The following NUP210L variants were observed in gnomAD, a reference collection of about 807,000 sequenced individuals.
NUP210L encodes the protein nuclear pore membrane glycoprotein 210-like.
NUP210L carries 74 observed loss-of-function variants against 208.5 expected under a neutral mutation model. The ratio of observed to expected loss-of-function variants is 0.35; its 90% CI spans 0.29 to 0.43. The LOEUF (loss-of-function observed/expected upper bound fraction) is 0.43. Ranked by LOEUF, NUP210L falls within the 20% of genes least tolerant of loss-of-function variation. NUP210L has a pLI of 1.00. For missense variants in NUP210L, 1,843 were observed against 2,289.4 expected, an observed-to-expected ratio of 0.81 and a Z score of 3.98; for synonymous variants, 780 against 816.9, an observed-to-expected ratio of 0.95 and a Z score of 0.77.
chr1:154,122,234 A>G (rs1281291335), intron 10 of NUP210L, among the ~76,000 whole-genome samples: 1 of 145,392 alleles, frequency 6.9e-6, no homozygotes, highest in African/African-American at 2.5e-5. Flanking sequence ...ATAACATGTG[A>G]ATGGCTGTAT....
At chr1:154,015,722 AACACACAC>A (rs372823301) in intron 33 of NUP210L, among the ~76,000 whole-genome samples, 2 of 144,360 alleles carry the variant, frequency 1.4e-5, no homozygotes, top group Non-Finnish European at 3.0e-5. Flanking sequence ...TCTGTCTCAA[AACACACAC>A]ACACACACAC....
intron 33 of NUP210L, among the ~76,000 whole-genome samples, chr1:154,017,873 T>A (rs1651349383): frequency 6.6e-6 from 1 of 152,174 alleles, no homozygotes; most frequent in African/African-American, 2.4e-5. Flanking sequence ...CCTTTTTCCC[T>A]TTTGTTTCTT....
chr1:154,026,960 G>T (rs979097891), intron 29 of NUP210L, among the ~76,000 whole-genome samples: 1 of 151,668 alleles, frequency 6.6e-6, no homozygotes, highest in African/African-American at 2.4e-5. Flanking sequence ...GCAGGCACCT[G>T]TAATCCCAGC....
At chr1:154,112,271 T>C (rs1657080988) in intron 12 of NUP210L, among the ~76,000 whole-genome samples, 2 of 151,784 alleles carry the variant, frequency 1.3e-5, no homozygotes, top group Admixed American at 1.3e-4. Flanking sequence ...CCAGACAGAG[T>C]TGCTCACTCC....
chr1:154,104,934 T>C (rs150703514), intron 12 of NUP210L, among the ~76,000 whole-genome samples: 2 of 152,182 alleles, frequency 1.3e-5, no homozygotes, highest in Admixed American at 6.5e-5. Flanking sequence ...ACACCCCAGG[T>C]GCACAGCTCA....
intron 37 of NUP210L, among the ~76,000 whole-genome samples, chr1:153,999,757 AG>A (rs1220905988): frequency 2.8e-5 from 4 of 140,810 alleles, no homozygotes; most frequent in African/African-American, 7.9e-5. Context: ...AAAAAAAAAA[AG>A]GTTTAAAATA....
At chr1:154,134,533 C>G (rs1432297040) in intron 7 of NUP210L, among the ~76,000 whole-genome samples, 2 of 148,344 alleles carry the variant, frequency 1.3e-5, no homozygotes, top group African/African-American at 4.9e-5. Flanking sequence ...GTCAGGAGAT[C>G]GAGACCATCC....
intron 17 of NUP210L, among the ~76,000 whole-genome samples, chr1:154,065,123 A>AATAAAATAAC (rs1654336039): frequency 6.7e-6 from 1 of 148,804 alleles, no homozygotes; most frequent in Non-Finnish European, 1.5e-5. Flanking sequence ...AATAAAATAA[A>AATAAAATAAC]ATAAAATAAA....
At chr1:154,138,301 T>C in intron 5 of NUP210L, 63 bp from the exon 6 acceptor site, 2 of 1,426,524 alleles carry the variant, frequency 1.4e-6, no homozygotes, top group Non-Finnish European at 1.9e-6. Flanking sequence ...CACAGTCATC[T>C]TTCTTGTTAA....
At chr1:154,144,467 G>A (rs1371565495) in intron 2 of NUP210L, among the ~76,000 whole-genome samples, 3 of 152,084 alleles carry the variant, frequency 2.0e-5, no homozygotes, top group Non-Finnish European at 2.9e-5. Flanking sequence ...GGGAACCACC[G>A]TATTAGATCT....
At chr1:154,114,059 C>T (rs2148088471) in intron 12 of NUP210L, among the ~76,000 whole-genome samples, 1 of 151,290 alleles carries the variant, frequency 6.6e-6, no homozygotes, top group Admixed American at 6.6e-5. Flanking sequence ...AGGAGAATTG[C>T]TTGAACTCGA....
chr1:154,075,888 C>G (rs1392418221), intron 16 of NUP210L, among the ~76,000 whole-genome samples: 2 of 151,754 alleles, frequency 1.3e-5, no homozygotes, highest in Non-Finnish European at 2.9e-5. Context: ...CTCCTGGACT[C>G]AAGCAATCCT....
chr1:154,085,613 G>A (rs1655585262), intron 16 of NUP210L, among the ~76,000 whole-genome samples: 1 of 152,070 alleles, frequency 6.6e-6, no homozygotes, highest in Admixed American at 6.6e-5. Flanking sequence ...TGCTGGCTTT[G>A]ACAAGCTGAC....
chr1:154,030,277 C>T (rs1029475231), intron 27 of NUP210L, among the ~76,000 whole-genome samples: 1 of 151,968 alleles, frequency 6.6e-6, no homozygotes, highest in African/African-American at 2.4e-5. Flanking sequence ...AGGGCTTACT[C>T]ATGTAACCAA....
chr1:154,085,107 G>A (rs1557965972), intron 16 of NUP210L, among the ~76,000 whole-genome samples: 1 of 145,418 alleles, frequency 6.9e-6, no homozygotes, highest in Non-Finnish European at 1.5e-5. Context: ...CAGCACTTTG[G>A]GAGGCTGAGG....
In NUP210L at chr1:154,104,217, G is replaced by C; in HGVS notation, c.1621-7C>G. 1 of 1,610,146 alleles carries C rather than the reference G, an allele frequency of 6.2e-7. No individual in the cohort carries two copies. Among genetic ancestry groups the C allele is most frequent in the Non-Finnish European group, 8.5e-7 (1 of 1,178,284 alleles). On this transcript the variant is annotated splice_region_variant and splice_polypyrimidine_tract_variant and intron_variant, in intron 12 of 39. Transcript: ENST00000368559. ...TCAGTTTCAGGACATGTATCTGGAG[G>C]GGAAAAATTCATCTTTCAAGAAAGT...
At chr1:154,026,419 G>A (rs1225465373) in intron 29 of NUP210L, among the ~76,000 whole-genome samples, 1 of 152,056 alleles carries the variant, frequency 6.6e-6, no homozygotes, top group Non-Finnish European at 1.5e-5. Context: ...CGTGATCTTG[G>A]CTCACTGCAG....
At chr1:154,133,172 T>G (rs1658342248) in intron 7 of NUP210L, among the ~76,000 whole-genome samples, 1 of 152,224 alleles carries the variant, frequency 6.6e-6, no homozygotes, top group Admixed American at 6.5e-5. Flanking sequence ...ACCTTTGCCA[T>G]TGCTCTTTCC....
intron 16 of NUP210L, among the ~76,000 whole-genome samples, chr1:154,087,343 G>A (rs1472361443): frequency 6.7e-6 from 1 of 148,538 alleles, no homozygotes; most frequent in Non-Finnish European, 1.5e-5. Flanking sequence ...AAAAAAAGGG[G>A]CAACATAATT....
Sources: gnomAD v4.1 joint callset for allele counts (sites outside exome capture counted in the v4.1 genomes callset) on GRCh38, gnomAD v4.1.1 for gene constraint, MANE v1.5 for transcripts, NCBI Gene and HGNC (gene_info 2026-07-23, HGNC 2026-07-21) for gene names.